The following RNF214 variants were observed in gnomAD, a reference collection of about 807,000 sequenced individuals.
The protein encoded by RNF214 is ring finger protein 214.
RNF214 carries 25 observed loss-of-function variants against 75.9 expected under a neutral mutation model. The ratio of observed to expected loss-of-function variants is 0.33; its 90% CI spans 0.24 to 0.46. The LOEUF (loss-of-function observed/expected upper bound fraction) is 0.46. Among genes scored for constraint, RNF214 ranks in the 20% least tolerant of loss-of-function variants. The probability of loss-of-function intolerance (pLI) is 1.00; values close to 1 mark genes in which losing one functional copy is unlikely to be tolerated. For synonymous variants in RNF214, 314 were observed against 308.8 expected (o/e 1.02, Z -0.18); for missense variants, 725 against 857.5 (o/e 0.85, Z 1.93).
chr11:117,265,953 A>G (rs934099526), intron 6 of RNF214, among the ~76,000 whole-genome samples: 7 of 152,118 alleles, frequency 4.6e-5, no homozygotes, highest in African/African-American at 1.7e-4. Context: ...GCCACTATAG[A>G]TTACACTTAT....
intron 4 of RNF214, among the ~76,000 whole-genome samples, chr11:117,242,574 C>T (rs1188968810): frequency 6.6e-6 from 1 of 152,102 alleles, no homozygotes; most frequent in East Asian, 1.9e-4. Context: ...GCAGTGAGGC[C>T]GGGTGCAGTG....
At chr11:117,259,254 G>A (rs1459946237) in intron 6 of RNF214, among the ~76,000 whole-genome samples, 1 of 152,184 alleles carries the variant, frequency 6.6e-6, no homozygotes, top group African/African-American at 2.4e-5. Flanking sequence ...ACCGTGCCCG[G>A]CTTTATTGTT....
chr11:117,260,707 A>G (rs2134390703), intron 6 of RNF214, among the ~76,000 whole-genome samples: 1 of 50,382 alleles, frequency 2.0e-5, no homozygotes, highest in South Asian at 7.0e-4. Context: ...GCTGGAGTGC[A>G]ATAATGGCGC....
intron 6 of RNF214, among the ~76,000 whole-genome samples, chr11:117,257,454 G>A (rs560098949): frequency 9.2e-5 from 14 of 152,284 alleles, no homozygotes; most frequent in African/African-American, 2.9e-4. Context: ...TAACATCACC[G>A]TTGGAATTCT....
At chr11:117,283,321 T>C (rs2034167664) in intron 14 of RNF214, 111 bp downstream of exon 14, 2 of 725,728 alleles carry the variant, frequency 2.8e-6, no homozygotes, top group Non-Finnish European at 4.8e-6. Flanking sequence ...AAATAACTTT[T>C]CTTTTACTGT....
intron 4 of RNF214, among the ~76,000 whole-genome samples, chr11:117,243,774 C>G (rs2033142043): frequency 6.6e-6 from 1 of 152,320 alleles, no homozygotes; most frequent in Non-Finnish European, 1.5e-5. Flanking sequence ...CCAGGCTGGT[C>G]TTCAGCTTCT....
chr11:117,236,706 C>A (rs560778983), intron 2 of RNF214, among the ~76,000 whole-genome samples: 1 of 152,156 alleles, frequency 6.6e-6, no homozygotes, highest in South Asian at 2.1e-4. Context: ...TCGCATTTAC[C>A]GGTGAGGAAA....
At chr11:117,260,528 C>G (rs181473769) in intron 6 of RNF214, among the ~76,000 whole-genome samples, 10 of 152,052 alleles carry the variant, frequency 6.6e-5, no homozygotes, top group African/African-American at 2.2e-4. Context: ...ACACTGTCTG[C>G]TGGGCATGGT....
Position 117,238,643 on chromosome 11 carries a change from G to T in RNF214, c.150G>T (p.Leu50Phe). The T allele has an allele frequency of 6.2e-7, 1 of 1,614,124 alleles. No homozygotes were observed. Among genetic ancestry groups the T allele is most frequent in the African/African-American group, 1.3e-5 (1 of 75,034 alleles). The change falls in exon 3 of 15, where the codon TTG (leucine) becomes TTT (phenylalanine). Residue 50 changes from leucine (L) to phenylalanine (F), a missense_variant. Physicochemically the swap from Leu to Phe is conservative, Grantham distance 22. Coordinates refer to ENST00000300650, the MANE Select transcript of RNF214 (RefSeq NM_207343.4). ...AGAAGCAGAAGAACTCGCCTCTGTTGAGTGTAAGTAGCCAAACAATAACCA... is the reference window on the plus strand; with the variant it reads ...AGAAGCAGAAGAACTCGCCTCTGTTTAGTGTAAGTAGCCAAACAATAACCA... Reference protein sequence around the residue: ...SAQKQKNSPLLSVSSQTITKE... With the variant: ...SAQKQKNSPLFSVSSQTITKE...
intron 2 of RNF214, among the ~76,000 whole-genome samples, chr11:117,234,881 A>C (rs556759388): frequency 6.6e-6 from 1 of 152,348 alleles, no homozygotes; most frequent in Admixed American, 6.5e-5. Context: ...TGAGGATACC[A>C]AAATCTATAA....
intron 6 of RNF214, among the ~76,000 whole-genome samples, chr11:117,260,522 T>C (rs965007305): frequency 3.3e-5 from 5 of 152,146 alleles, no homozygotes; most frequent in Admixed American, 2.0e-4. Context: ...TACATTACAC[T>C]GTCTGCTGGG....
chr11:117,281,532 T>C (rs2034127098), intron 9 of RNF214, 68 bp from the exon 10 acceptor site: 1 of 1,423,166 alleles, frequency 7.0e-7, no homozygotes, highest in Non-Finnish European at 9.9e-7. Context: ...TTCCTGATAA[T>C]GGATGGTGCT....
At chr11:117,240,004 C>G in intron 4 of RNF214, 144 bp downstream of exon 4, 1 of 592,536 alleles carries the variant, frequency 1.7e-6, no homozygotes, top group Non-Finnish European at 3.0e-6. Context: ...TGATCACTTC[C>G]AAAGATGGGA....
At position 117,238,873 on chromosome 11, in the gene RNF214, G is replaced by A; in HGVS notation, c.380G>A (p.Ser127Asn). The A allele has an allele frequency of 6.2e-7, 1 of 1,614,198 alleles. No homozygotes were observed. The highest frequency in any genetic ancestry group is 8.5e-7 in the Non-Finnish European group (1 of 1,180,046). Residue 127 changes from serine (S) to asparagine (N), a missense_variant, in exon 3 of 15, where the codon AGC becomes AAC. Around this residue, in one of 2 missense-constraint regions of RNF214, gnomAD observed 362 missense variants for 344.5 expected, o/e 1.05. Coordinates refer to ENST00000300650, the MANE Select transcript of RNF214 (RefSeq NM_207343.4). Reference protein sequence around the residue: ...GEEGDTSLRESLHPVTRSLKA... With the variant: ...GEEGDTSLRENLHPVTRSLKA... ...GAGGGGGACACAAGCCTTCGGGAGA[G>A]CCTCCATCCAGTCACTCGGTCTCTT...
chr11:117,254,002 C>G (rs2033461641), intron 6 of RNF214, among the ~76,000 whole-genome samples: 1 of 151,984 alleles, frequency 6.6e-6, no homozygotes, highest in Non-Finnish European at 1.5e-5. Context: ...GCCTGTAATC[C>G]CAGCACTTTG....
intron 6 of RNF214, among the ~76,000 whole-genome samples, chr11:117,267,703 T>G (rs1007776078): frequency 6.6e-6 from 1 of 151,910 alleles, no homozygotes; most frequent in Admixed American, 6.6e-5. Context: ...CATTCCAGCC[T>G]GGGCGACAGA....
At chr11:117,250,609 A>T (rs74580856) in intron 6 of RNF214, among the ~76,000 whole-genome samples, 1,019 of 63,120 alleles carry the variant, frequency 0.016, 2 homozygotes, top group Middle Eastern at 0.034. Context: ...TTATTTATTT[A>T]TTTTTTTTTT....
chr11:117,279,762 A>G lies in RNF214; in HGVS notation c.960-146A>G, dbSNP rs141192894. Reference sequence around the variant, plus strand: ...TTTTGATTAGCAAAGAATAAAGAAGAAAGAAAAATAAGTATAGTTAATACT... The same window carrying G: ...TTTTGATTAGCAAAGAATAAAGAAGGAAGAAAAATAAGTATAGTTAATACT... On this transcript the variant is annotated intron_variant, in intron 6 of 14. Coordinates refer to ENST00000300650, the MANE Select transcript of RNF214 (RefSeq NM_207343.4). 1.4e-4 allele frequency: 81 copies of G among 566,624 alleles called. 1 individual carries two copies. In the East Asian group the frequency reaches 2.2e-3, roughly 15 times the overall value. 35.1% of individuals were successfully genotyped at this position (566,624 alleles called of 1,614,324 possible).
intron 6 of RNF214, among the ~76,000 whole-genome samples, chr11:117,251,365 TGGCCGGGCGGGG>T: frequency 7.0e-6 from 1 of 143,304 alleles, no homozygotes; most frequent in Admixed American, 6.8e-5. Context: ...ACGGGGCGGC[TGGCCGGGCGGGG>T]GGCTGACCCC....
Sources: allele counts gnomAD v4.1 joint callset (sites outside exome capture counted in the v4.1 genomes callset), GRCh38; gene constraint gnomAD v4.1.1; regional missense constraint gnomAD v4.1.1; transcripts MANE v1.5; gene names NCBI Gene and HGNC (gene_info 2026-07-23, HGNC 2026-07-21).